The following SLC9C1 variants were observed in gnomAD, a reference collection of about 807,000 sequenced individuals.
The protein encoded by SLC9C1 is sodium/hydrogen exchanger 10.
Under a neutral mutation model 140.9 loss-of-function variants are expected in SLC9C1, and 97 were observed. That is an observed-to-expected ratio of 0.69 (90% CI 0.58 to 0.82). The LOEUF is 0.82. SLC9C1 is among the 40% of genes least tolerant of loss of function. The pLI is 0.00. For synonymous variants in SLC9C1, 440 were observed against 442.6 expected (o/e 0.99, Z 0.07); for missense variants, 1,340 against 1,389.3 (o/e 0.96, Z 0.56).
At chr3:112,156,045 A>T (rs1342240779) in intron 26 of SLC9C1, among the ~76,000 whole-genome samples, 3 of 152,004 alleles carry the variant, frequency 2.0e-5, no homozygotes, top group African/African-American at 7.2e-5. Flanking sequence ...GCTATTTGGA[A>T]ATATACAATA....
chr3:112,240,992 A>C (rs2079124369), intron 11 of SLC9C1, among the ~76,000 whole-genome samples: 1 of 143,362 alleles, frequency 7.0e-6, no homozygotes, highest in Non-Finnish European at 1.5e-5. Flanking sequence ...TGGTGGGGGG[A>C]TGGGGGCAGG....
intron 28 of SLC9C1, among the ~76,000 whole-genome samples, chr3:112,144,149 G>A: frequency 6.8e-6 from 1 of 146,300 alleles, no homozygotes; most frequent in African/African-American, 2.5e-5. Flanking sequence ...TGATTACTAT[G>A]CCTTATAGTA....
At chr3:112,229,583 C>A (rs1208407135) in intron 13 of SLC9C1, among the ~76,000 whole-genome samples, 4 of 151,588 alleles carry the variant, frequency 2.6e-5, no homozygotes, top group Non-Finnish European at 5.9e-5. Context: ...AAGAGATTAT[C>A]AAGCAAAAGG....
rs909760321 is a variant in SLC9C1, at chr3:112,204,329, G to C, written c.2061C>G (p.Ile687Met). Residue 687 changes from isoleucine to methionine, a missense_variant, in exon 17 of 29, where the codon ATC (isoleucine) becomes ATG (methionine). Transcript: ENST00000305815. ...IFELAITLIG[I>M]LHVILIEIDT... ...CTATTTCAATAAGTATTACATGTAA[G>C]ATGCCAATTAATGTAATTGCTAACT... 6.4e-7 allele frequency: 1 copy of C among 1,573,456 alleles called. No individual in the cohort carries two copies. The highest frequency in any genetic ancestry group is 2.4e-5 in the East Asian group (1 of 41,400).
intron 23 of SLC9C1, among the ~76,000 whole-genome samples, chr3:112,170,675 G>C (rs1040249987): frequency 2.0e-5 from 3 of 152,108 alleles, no homozygotes; most frequent in Non-Finnish European, 4.4e-5. Flanking sequence ...AAAATAAAAT[G>C]CTTATGCTAA....
chr3:112,187,732 T>C (rs936673355), intron 20 of SLC9C1, among the ~76,000 whole-genome samples: 3 of 152,082 alleles, frequency 2.0e-5, no homozygotes, highest in African/African-American at 7.2e-5. Context: ...CTTCCTTCAT[T>C]TTCCTTCTTT....
intron 10 of SLC9C1, among the ~76,000 whole-genome samples, chr3:112,245,497 T>A (rs1481062051): frequency 6.6e-6 from 1 of 152,058 alleles, no homozygotes; most frequent in Non-Finnish European, 1.5e-5. Context: ...TTTTCTCTCA[T>A]TGAACTGTTT....
chr3:112,274,820 A>G, intron 6 of SLC9C1, 77 bp downstream of exon 6: 1 of 1,278,298 alleles, frequency 7.8e-7, no homozygotes, highest in Non-Finnish European at 1.0e-6. Context: ...TTATGGTAGG[A>G]TATTACAAAA....
chr3:112,286,074 T>G (rs2080498827), intron 2 of SLC9C1, among the ~76,000 whole-genome samples: 1 of 152,184 alleles, frequency 6.6e-6, no homozygotes, highest in African/African-American at 2.4e-5. Context: ...TAACAGTTAG[T>G]TTTCATATTG....
intron 4 of SLC9C1, 87 bp from the exon 5 acceptor site, chr3:112,277,947 G>C (rs1205997666): frequency 8.5e-7 from 1 of 1,176,092 alleles, no homozygotes; most frequent in African/African-American, 1.6e-5. Context: ...TGGAGATACA[G>C]AATCAACCAA....
intron 13 of SLC9C1, among the ~76,000 whole-genome samples, chr3:112,223,398 G>T (rs7615921): frequency 1 from 151,527 of 152,282 alleles, 75,392 homozygotes; most frequent in Middle Eastern, 1. Context: ...AGCAATTTTT[G>T]CTTTTTAAAA....
intron 28 of SLC9C1, among the ~76,000 whole-genome samples, chr3:112,146,408 T>G (rs1229661981): frequency 1.3e-5 from 2 of 152,188 alleles, no homozygotes; most frequent in East Asian, 3.8e-4. Context: ...GAAATTAGAT[T>G]GTTAATTTGA....
chr3:112,151,345 TA>T (rs1201040068), intron 28 of SLC9C1: 1 of 519,060 alleles, frequency 1.9e-6, no homozygotes, highest in Non-Finnish European at 3.8e-6. Context: ...CTCTTGTGAA[TA>T]TCCTCTTCCT....
intron 15 of SLC9C1, among the ~76,000 whole-genome samples, chr3:112,214,389 A>G (rs1036818024): frequency 1.3e-5 from 2 of 152,236 alleles, no homozygotes; most frequent in African/African-American, 4.8e-5. Flanking sequence ...AGAGACACGA[A>G]AAACCGTTCA....
chr3:112,160,903 C>T (rs2075278089), intron 26 of SLC9C1, among the ~76,000 whole-genome samples: 2 of 152,124 alleles, frequency 1.3e-5, no homozygotes, highest in Admixed American at 1.3e-4. Context: ...AAAAGTGTTC[C>T]TATTTCTCCA....
In SLC9C1 at chr3:112,204,214, T is replaced by C. The variant is rs775726909; in HGVS notation, c.2172+4A>G. On this transcript the variant is annotated splice_donor_region_variant and intron_variant, in intron 17 of 28. Transcript: ENST00000305815. ...AGAAATTGCACGATTTACTGGTTCT[T>C]TACCTTGAAAATGCGTAGTATACGA... 7 of 1,474,694 alleles carry C rather than the reference T, an allele frequency of 4.7e-6. No individual in the cohort carries two copies. Among genetic ancestry groups the C allele is most frequent in the Non-Finnish European group, 6.3e-6 (7 of 1,117,814 alleles). 91.4% of individuals were successfully genotyped at this position (1,474,694 alleles called of 1,614,324 possible). A position where few individuals can be genotyped will look rare whatever the true frequency, so the allele number is the denominator to read the frequency against.
At chr3:112,254,041 A>C (rs4434124) in intron 10 of SLC9C1, among the ~76,000 whole-genome samples, 1 of 151,970 alleles carries the variant, frequency 6.6e-6, no homozygotes, top group Admixed American at 6.5e-5. Flanking sequence ...ATAAAAATGA[A>C]AAAAGAATGA....
intron 6 of SLC9C1, among the ~76,000 whole-genome samples, chr3:112,272,739 A>T (rs898926723): frequency 9.2e-5 from 14 of 152,318 alleles, no homozygotes; most frequent in African/African-American, 3.4e-4. Context: ...ATACAAAAAA[A>T]TAAAGTTCCA....
intron 20 of SLC9C1, among the ~76,000 whole-genome samples, chr3:112,195,783 A>T (rs980868125): frequency 6.6e-6 from 1 of 152,126 alleles, no homozygotes; most frequent in Non-Finnish European, 1.5e-5. Flanking sequence ...TTGATATCAC[A>T]GTATTACATC....
Sources: allele counts gnomAD v4.1 joint callset (sites outside exome capture counted in the v4.1 genomes callset), GRCh38; gene constraint gnomAD v4.1.1; transcripts MANE v1.5; gene names NCBI Gene and HGNC (gene_info 2026-07-23, HGNC 2026-07-21).